The following TRAK1 variants were observed in gnomAD, a reference collection of about 807,000 sequenced individuals.
The protein encoded by TRAK1 is trafficking kinesin protein 1, also known as trafficking kinesin-binding protein 1.
TRAK1 carries 33 observed loss-of-function variants against 92.1 expected under a neutral mutation model. That is an observed-to-expected ratio of 0.36 (90% CI 0.27 to 0.48). The LOEUF (loss-of-function observed/expected upper bound fraction) is 0.48. Ranked by LOEUF, TRAK1 falls within the 20% of genes least tolerant of loss-of-function variation. TRAK1 has a pLI of 0.99. For synonymous variants in TRAK1, 521 were observed against 517.3 expected (o/e 1.01, Z -0.10); for missense variants, 1,123 against 1,257.9 (o/e 0.89, Z 1.62).
At chr3:42,034,538 G>A (rs901902335) in intron 1 of TRAK1, among the ~76,000 whole-genome samples, 1 of 152,090 alleles carries the variant, frequency 6.6e-6, no homozygotes, top group Non-Finnish European at 1.5e-5. Flanking sequence ...TGGTCTGCCC[G>A]CCTCAGTCTC....
At chr3:42,067,695 GC>G (rs1703737062) in intron 1 of TRAK1, among the ~76,000 whole-genome samples, 1 of 152,004 alleles carries the variant, frequency 6.6e-6, no homozygotes, top group South Asian at 2.1e-4. Flanking sequence ...TAGTCAGGAA[GC>G]CCCTCACACA....
At chr3:42,089,828 G>A (rs1704910429), upstream of TRAK1, among the ~76,000 whole-genome samples, 1 of 152,146 alleles carries the variant, frequency 6.6e-6, no homozygotes, top group Non-Finnish European at 1.5e-5. Flanking sequence ...GGCAAACTCT[G>A]TGTCTACTTT....
chr3:42,115,775 A>G (rs1452166431), intron 1 of TRAK1, among the ~76,000 whole-genome samples: 1 of 152,116 alleles, frequency 6.6e-6, no homozygotes, highest in African/African-American at 2.4e-5. Context: ...GCTGTCCCTC[A>G]GTGGGGAGAG....
chr3:42,032,414 G>A (rs1455567331), intron 1 of TRAK1, among the ~76,000 whole-genome samples: 1 of 150,668 alleles, frequency 6.6e-6, no homozygotes, highest in Non-Finnish European at 1.5e-5. Flanking sequence ...GTAGCCAGGC[G>A]TGTCTTGCCA....
intron 1 of TRAK1, among the ~76,000 whole-genome samples, chr3:42,069,394 A>G (rs1023493878): frequency 5.9e-5 from 9 of 151,994 alleles, no homozygotes; most frequent in Non-Finnish European, 8.8e-5. Flanking sequence ...TTAGCTGTCA[A>G]CAGGGGAGGG....
rs190393094 is a variant in TRAK1, at chr3:42,223,722, A to G, written c.2847A>G (p.Gln949=). 1.2e-6 allele frequency: 2 copies of G among 1,605,090 alleles called. No individual in the cohort carries two copies. Among genetic ancestry groups the G allele is most frequent in the East Asian group, 2.2e-5 (1 of 44,574 alleles). Residue 949 remains glutamine (Q), a synonymous_variant, in exon 16 of 16, where the codon CAA becomes CAG. Transcript: ENST00000327628. This position sits in a 1 kb window ranked among gnomAD's most constrained non-coding sequence, Gnocchi z 6.1. ...GILMGAKLSK[Q]TSLR is the part of the protein sequence containing the mutation. ...TGATGGGTGCTAAGCTCTCCAAACAAACTAGCTTACGGTGAGGACTGGAGG... is the reference window on the plus strand; with the variant it reads ...TGATGGGTGCTAAGCTCTCCAAACAGACTAGCTTACGGTGAGGACTGGAGG...
chr3:42,221,071 C>CTTTTTTTT (rs369421571), intron 15 of TRAK1, among the ~76,000 whole-genome samples: 2 of 85,396 alleles, frequency 2.3e-5, no homozygotes, highest in African/African-American at 5.0e-5. Context: ...AGAGAAGGCT[C>CTTTTTTTT]TTTTTTTTTT....
chr3:42,083,887 T>G (rs1704545301), upstream of TRAK1, among the ~76,000 whole-genome samples: 3 of 149,402 alleles, frequency 2.0e-5, no homozygotes. Context: ...AATAAATAAA[T>G]AAAATAAATA....
intron 2 of TRAK1, among the ~76,000 whole-genome samples, chr3:42,154,613 T>C (rs1330117923): frequency 6.6e-6 from 1 of 151,976 alleles, no homozygotes; most frequent in Admixed American, 6.6e-5. Flanking sequence ...AATTTTTTTG[T>C]AGAGATGGGG....
intron 1 of TRAK1, among the ~76,000 whole-genome samples, chr3:42,055,162 T>G (rs1265359029): frequency 6.6e-6 from 1 of 152,038 alleles, no homozygotes; most frequent in African/African-American, 2.4e-5. Flanking sequence ...TCAAGTGGTC[T>G]GTCCTCCTTG....
At chr3:42,061,590 G>T (rs1252108297) in intron 1 of TRAK1, among the ~76,000 whole-genome samples, 2 of 152,024 alleles carry the variant, frequency 1.3e-5, no homozygotes, top group African/African-American at 4.8e-5. Context: ...TTTAGTAGAA[G>T]ATTGGCCTGA....
At chr3:42,116,866 C>T (rs555641008) in intron 1 of TRAK1, among the ~76,000 whole-genome samples, 2 of 152,204 alleles carry the variant, frequency 1.3e-5, no homozygotes, top group South Asian at 2.1e-4. Context: ...ATTTGATGAG[C>T]GAAGGTCCCT....
intron 1 of TRAK1, among the ~76,000 whole-genome samples, chr3:42,122,684 A>G (rs1710040895): frequency 6.6e-6 from 1 of 152,140 alleles, no homozygotes; most frequent in Non-Finnish European, 1.5e-5. Flanking sequence ...AATGTTGCTT[A>G]TTGTGGGCCC....
chr3:42,213,174 C>T (rs1168030937), intron 14 of TRAK1, among the ~76,000 whole-genome samples: 2 of 151,574 alleles, frequency 1.3e-5, no homozygotes, highest in African/African-American at 2.4e-5. Flanking sequence ...TTTCCTGCCT[C>T]AGCCTCCCAA....
chr3:42,125,397 T>G (rs762013173), intron 1 of TRAK1, 23 bp from the exon 2 acceptor site: 1 of 1,605,352 alleles, frequency 6.2e-7, no homozygotes, highest in Non-Finnish European at 8.5e-7. Flanking sequence ...TGGGCTCTCA[T>G]TTCTTGGTTG....
chr3:42,121,321 G>T (rs9681369), intron 1 of TRAK1, among the ~76,000 whole-genome samples: 1 of 149,640 alleles, frequency 6.7e-6, no homozygotes, highest in East Asian at 2.0e-4. Context: ...GTGCAGTGGC[G>T]CAGTCTCGGC....
At chr3:42,166,511 C>T (rs573259612) in intron 2 of TRAK1, among the ~76,000 whole-genome samples, 1 of 152,316 alleles carries the variant, frequency 6.6e-6, no homozygotes, top group East Asian at 1.9e-4. Flanking sequence ...TTGGACGAGC[C>T]ACTGGCCTTT....
At chr3:42,060,992 G>A (rs1703415819) in intron 1 of TRAK1, among the ~76,000 whole-genome samples, 1 of 150,698 alleles carries the variant, frequency 6.6e-6, no homozygotes, top group Non-Finnish European at 1.5e-5. Flanking sequence ...GGTTCATTTA[G>A]GGCTAAATAA....
At chr3:42,072,819 G>A (rs1426639840) in intron 1 of TRAK1, among the ~76,000 whole-genome samples, 3 of 152,130 alleles carry the variant, frequency 2.0e-5, no homozygotes, top group Non-Finnish European at 4.4e-5. Flanking sequence ...GAAGAGAGAG[G>A]GCTGGATTCT....
Sources: gnomAD v4.1 joint callset for allele counts (sites outside exome capture counted in the v4.1 genomes callset) on GRCh38, gnomAD v4.1.1 for gene constraint, Gnocchi (gnomAD v3.1) non-coding constraint, MANE v1.5 for transcripts, NCBI Gene and HGNC (gene_info 2026-07-23, HGNC 2026-07-21) for gene names.